The following TSPOAP1 variants were observed in gnomAD, a reference collection of about 807,000 sequenced individuals.
TSPOAP1 encodes the protein peripheral-type benzodiazepine receptor-associated protein 1.
TSPOAP1 carries 87 observed loss-of-function variants against 197.0 expected under a neutral mutation model. That is an observed-to-expected ratio of 0.44 (90% CI 0.37 to 0.53). TSPOAP1 has a LOEUF of 0.53. TSPOAP1 is among the 20% of genes least tolerant of loss of function. The pLI, the probability that TSPOAP1 is intolerant of heterozygous loss-of-function variation, is 0.00. For missense variants in TSPOAP1, 2,174 were observed against 2,411.3 expected, an observed-to-expected ratio of 0.90 and a Z score of 2.06; for synonymous variants, 913 against 998.9, an observed-to-expected ratio of 0.91 and a Z score of 1.62.
In TSPOAP1 at chr17:58,323,122, C is replaced by T. The variant is rs192738480; in HGVS notation, c.1105-83G>A. ...CACACAGAGGACCCTGCCCTCCTCC[C>T]AGGCAAGGCCTTCCTCCCCTGCTGG... On this transcript the variant is annotated intron_variant, in intron 7 of 31. Transcript: ENST00000343736. The T allele has an allele frequency of 8.3e-4, 1,258 of 1,512,630 alleles. 17 individuals are homozygous for T. The Admixed American group carries it at 0.013, about 16-fold the overall frequency. 93.7% of individuals were successfully genotyped at this position (1,512,630 alleles called of 1,614,324 possible).
At position 58,306,284 on chromosome 17, in the gene TSPOAP1, G is replaced by A. The variant is rs369806515; in HGVS notation, c.5224+58C>T. 1.2e-3 allele frequency: 1,825 copies of A among 1,470,070 alleles called. 2 individuals are homozygous for A. Among genetic ancestry groups the A allele is most frequent in the Non-Finnish European group, 1.5e-3 (1,593 of 1,073,208 alleles). The allele number at this position is 1,470,070 out of a possible 1,614,324, so 91.1% of individuals were successfully genotyped here. A position where few individuals can be genotyped will look rare whatever the true frequency, so the allele number is the denominator to read the frequency against. The stretch of plus-strand genomic sequence containing the variant: ...GAGAGAAAACAGACAGCCAAGCAGC[G>A]CCACCCCACCGCACACACATCCTCC... On this transcript the variant is annotated intron_variant, in intron 26 of 31. Transcript: ENST00000343736.
rs747974078 is a variant in TSPOAP1, at chr17:58,307,685, C to A, written c.4909G>T (p.Asp1637Tyr). The part of the protein sequence containing the change: ...VRIFVALFDY[D>Y]PVSMSPNPDA... ...GGATTGGGCGACATTGACACGGGGT[C>A]ATAGTCAAACAGAGCCACAAAGATC... is the stretch of plus-strand genomic sequence containing the variant. Residue 1637 changes from aspartate to tyrosine, a missense_variant, in exon 24 of 32, where the codon GAC becomes TAC. This residue lies in a region of TSPOAP1 where 1,933 missense variants were observed against 2,139.0 expected (regional missense o/e 0.90). Coordinates refer to ENST00000343736, the MANE Select transcript of TSPOAP1 (RefSeq NM_004758.4). 16 of 1,614,034 alleles carry A rather than the reference C, an allele frequency of 9.9e-6. No individual in the cohort carries two copies. The highest frequency in any genetic ancestry group is 1.4e-5 in the Non-Finnish European group (16 of 1,180,046).
chr17:58,313,587 G>A (rs887711679), intron 16 of TSPOAP1, among the ~76,000 whole-genome samples: 19 of 149,806 alleles, frequency 1.3e-4, no homozygotes, highest in Non-Finnish European at 2.2e-4. Context: ...CAGCCTGGGC[G>A]ACAGAGCAAG....
At position 58,323,310 on chromosome 17, in the gene TSPOAP1, T is replaced by C. The variant is rs912869386; in HGVS notation, c.1092A>G (p.Arg364=). Residue 364 remains arginine, a synonymous_variant, in exon 7 of 32, where the codon CGA becomes CGG. Coordinates refer to ENST00000343736, the MANE Select transcript of TSPOAP1 (RefSeq NM_004758.4). ...CTCAAGAGCTCACCAGCTCCTCACA[T>C]CGCCTCTGCTTTTTCCGGGCTTCCT... ...LEQEARKKQR[R]CEELELQLRQ... is the part of the protein sequence containing the mutation. 1 of 1,614,138 alleles carries C rather than the reference T, an allele frequency of 6.2e-7. No homozygotes were observed. Among genetic ancestry groups the C allele is most frequent in the Admixed American group, 1.7e-5 (1 of 60,030 alleles).
chr17:58,303,875 C>G (rs1315252453), intron 31 of TSPOAP1: 1 of 152,618 alleles, frequency 6.6e-6, no homozygotes, highest in Non-Finnish European at 1.5e-5. Context: ...TGCATCTGAT[C>G]ACCCTAACAG....
chr17:58,308,810 T>C lies in TSPOAP1; in HGVS notation c.4462A>G (p.Ser1488Gly). 6.2e-7 allele frequency: 1 copy of C among 1,612,908 alleles called. No individual in the cohort carries two copies. The highest frequency in any genetic ancestry group is 8.5e-7 in the Non-Finnish European group (1 of 1,179,924). The change falls in exon 22 of 32, where the codon AGC (serine) becomes GGC (glycine). Residue 1488 changes from serine (S) to glycine (G), a missense_variant. Physicochemically the swap from Ser to Gly is moderately conservative, Grantham distance 56 (BLOSUM62 0). Around this residue, in one of 5 missense-constraint regions of TSPOAP1, gnomAD observed 1,933 missense variants for 2,139.0 expected, o/e 0.90. Transcript: ENST00000343736. ...TCCAAGCACTTGGGGGAAAGGCAGC[T>C]GGCCAGGCCAGGCTCCAGCGCCCGG... ...RGRALEPGLA[S>G]CLSPKCLEIS...
At position 58,302,160 on chromosome 17, in the gene TSPOAP1, C is replaced by G. The variant is rs990674779; in HGVS notation, c.*320G>C. On this transcript the variant is annotated 3_prime_UTR_variant, in exon 32 of 32. Coordinates refer to ENST00000343736, the MANE Select transcript of TSPOAP1 (RefSeq NM_004758.4). Reference sequence around the variant, plus strand: ...TTCCCTCTGAATGCCACAGTGTTAACGCAGAAGAACGGGGGCTCTGGGCCC... The same window carrying G: ...TTCCCTCTGAATGCCACAGTGTTAAGGCAGAAGAACGGGGGCTCTGGGCCC... 4.8e-6 allele frequency: 5 copies of G among 1,040,476 alleles called. No individual in the cohort carries two copies. The highest frequency in any genetic ancestry group is 2.5e-6 in the Non-Finnish European group (2 of 796,054). The allele number at this position is 1,040,476 out of a possible 1,614,324, so 64.5% of individuals were successfully genotyped here.
intron 26 of TSPOAP1, 30 bp from the exon 27 acceptor site, chr17:58,305,895 T>TGCCCC: frequency 2.6e-6 from 4 of 1,554,814 alleles, no homozygotes; most frequent in Non-Finnish European, 3.5e-6. Flanking sequence ...GTGAGCCCCC[T>TGCCCC]CCCACCCTGC....
rs1249827919 is a variant in TSPOAP1 at position 58,312,306 on chromosome 17, C to A, written c.2515G>T (p.Ala839Ser). ...GELRQALGPG[A>S]PPKAVLENLD... is the part of the protein sequence containing the mutation. ...TTCTCCAGCACGGCCTTGGGTGGCG[C>A]CCCAGGCCCCAGGGCCTGTCGCAGC... is the stretch of plus-strand genomic sequence containing the variant. Residue 839 changes from alanine (A) to serine (S), a missense_variant, in exon 17 of 32, where the codon GCG becomes TCG. Ala to Ser is a moderately conservative substitution (Grantham distance 99, BLOSUM62 1). Transcript: ENST00000343736. The A allele has an allele frequency of 6.2e-7, 1 of 1,612,694 alleles. No homozygotes were observed. Among genetic ancestry groups the A allele is most frequent in the South Asian group, 1.1e-5 (1 of 91,050 alleles).
chr17:58,303,177 G>C (rs1487479219), intron 31 of TSPOAP1: 1 of 152,626 alleles, frequency 6.6e-6, no homozygotes, highest in Non-Finnish European at 1.5e-5. Flanking sequence ...GCTCCTTAGT[G>C]ATCTAAGGCC....
chr17:58,314,553 C>T (rs546811797), intron 16 of TSPOAP1, among the ~76,000 whole-genome samples: 5 of 152,310 alleles, frequency 3.3e-5, no homozygotes, highest in South Asian at 2.1e-4. Flanking sequence ...CTGGAGCCAC[C>T]GTAAGCTAAA....
chr17:58,313,607 CA>C (rs138024895), intron 16 of TSPOAP1, among the ~76,000 whole-genome samples: 1,205 of 110,506 alleles, frequency 0.011, 4 homozygotes, highest in Admixed American at 0.017. Flanking sequence ...GATGCTGTAT[CA>C]AAAAAAAAAA....
intron 27 of TSPOAP1, 71 bp downstream of exon 27, chr17:58,305,762 G>T: frequency 6.3e-7 from 1 of 1,587,098 alleles, no homozygotes; most frequent in Non-Finnish European, 8.6e-7. Context: ...TGTAGCCAAT[G>T]GGGCGAGGCC....
chr17:58,325,333 A>G, intron 4 of TSPOAP1: 1 of 676,298 alleles, frequency 1.5e-6, no homozygotes. Context: ...AGCCTGGAGC[A>G]CAGAAATGCC....
At chr17:58,325,334 C>T (rs1410836792) in intron 4 of TSPOAP1, 200 bp downstream of exon 4, 3 of 683,262 alleles carry the variant, frequency 4.4e-6, no homozygotes, top group Non-Finnish European at 7.3e-6. Flanking sequence ...GCCTGGAGCA[C>T]AGAAATGCCC....
chr17:58,321,485 A>G (rs1240680796), intron 10 of TSPOAP1, among the ~76,000 whole-genome samples: 1 of 152,094 alleles, frequency 6.6e-6, no homozygotes, highest in East Asian at 1.9e-4. Context: ...TTTGGTAGAG[A>G]CGGGGATTCA....
At chr17:58,317,196 A>AAAAC (rs911250784) in intron 14 of TSPOAP1, among the ~76,000 whole-genome samples, 16 of 152,236 alleles carry the variant, frequency 1.1e-4, no homozygotes, top group Admixed American at 2.6e-4. Flanking sequence ...GCCCTGTCTA[A>AAAAC]AAACAAACAA....
intron 14 of TSPOAP1, among the ~76,000 whole-genome samples, chr17:58,317,054 G>C (rs1436050652): frequency 6.6e-6 from 1 of 152,152 alleles, no homozygotes; most frequent in Non-Finnish European, 1.5e-5. Flanking sequence ...AAATTAGCTG[G>C]GTGTGGTGGT....
In TSPOAP1 at chr17:58,320,121, C is replaced by T; in HGVS notation, c.1482G>A (p.Leu494=). ...AACGAGGCGCTACCTGCATGGAATC[C>T]AAGGTAGACTGTTGCAGGAAAGGAA... ...EGAVQLLEST[L]DSMQARVREL... Residue 494 remains leucine (L), a synonymous_variant, in exon 12 of 32, where the codon TTG becomes TTA. Coordinates refer to ENST00000343736, the MANE Select transcript of TSPOAP1 (RefSeq NM_004758.4). The T allele has an allele frequency of 3.1e-6, 5 of 1,614,134 alleles. No homozygotes were observed. The highest frequency in any genetic ancestry group is 4.2e-6 in the Non-Finnish European group (5 of 1,180,008).
Sources: gnomAD v4.1 joint callset for allele counts (sites outside exome capture counted in the v4.1 genomes callset) on GRCh38, gnomAD v4.1.1 for gene constraint, gnomAD v4.1.1 regional missense constraint, MANE v1.5 for transcripts, NCBI Gene and HGNC (gene_info 2026-07-23, HGNC 2026-07-21) for gene names.